Variants in GPBP1L1 observed in about 807,000 individuals in gnomAD.
GPBP1L1 encodes vasculin-like protein 1.
Under a neutral mutation model 52.5 loss-of-function variants are expected in GPBP1L1, and 23 were observed. The ratio of observed to expected loss-of-function variants is 0.44; its 90% CI spans 0.32 to 0.62. GPBP1L1 has a LOEUF of 0.62. GPBP1L1 is among the 20% of genes least tolerant of loss of function. The pLI, the probability that GPBP1L1 is intolerant of heterozygous loss-of-function variation, is 0.06. For synonymous variants in GPBP1L1, 243 were observed against 203.1 expected, an observed-to-expected ratio of 1.20 and a Z score of -1.67; for missense variants, 596 against 579.3, an observed-to-expected ratio of 1.03 and a Z score of -0.30.
intron 7 of GPBP1L1, among the ~76,000 whole-genome samples, chr1:45,640,959 G>A (rs965972195): frequency 2.0e-5 from 3 of 152,024 alleles, no homozygotes; most frequent in African/African-American, 7.3e-5. Flanking sequence ...AGGCTGCAGC[G>A]AGCCATGACT....
chr1:45,677,642 C>A (rs1569886793), intron 2 of GPBP1L1, among the ~76,000 whole-genome samples: 2 of 152,152 alleles, frequency 1.3e-5, no homozygotes, highest in Admixed American at 6.5e-5. Flanking sequence ...AATTGTATTT[C>A]TATCACAAAT....
chr1:45,673,345 A>G (rs1645097519), intron 2 of GPBP1L1, among the ~76,000 whole-genome samples: 1 of 152,138 alleles, frequency 6.6e-6, no homozygotes, highest in Non-Finnish European at 1.5e-5. Context: ...AAAGCGTGAA[A>G]CTGAAGAATG....
intron 2 of GPBP1L1, among the ~76,000 whole-genome samples, chr1:45,682,707 T>C (rs1345092212): frequency 1.3e-5 from 2 of 152,204 alleles, no homozygotes; most frequent in Non-Finnish European, 2.9e-5. Context: ...AGAAAAATAA[T>C]AGGCTCTTTT....
intron 5 of GPBP1L1, 57 bp from the exon 6 acceptor site, chr1:45,654,886 G>A (rs925410124): frequency 6.5e-7 from 1 of 1,538,762 alleles, no homozygotes; most frequent in African/African-American, 1.4e-5. Context: ...TTGGTTTACG[G>A]TATTGGCCAA....
intron 2 of GPBP1L1, among the ~76,000 whole-genome samples, chr1:45,683,912 AC>A (rs958366726): frequency 3.3e-5 from 5 of 151,498 alleles, no homozygotes; most frequent in Admixed American, 2.0e-4. Flanking sequence ...ACAGAGTGAG[AC>A]CCCGTATCAA....
intron 2 of GPBP1L1, among the ~76,000 whole-genome samples, chr1:45,665,231 C>A (rs1644995711): frequency 6.6e-6 from 1 of 151,648 alleles, no homozygotes; most frequent in African/African-American, 2.4e-5. Flanking sequence ...TTGAAGTGAG[C>A]CGAGATCACG....
chr1:45,655,386 G>A (rs759911985), intron 4 of GPBP1L1, 67 bp from the exon 5 acceptor site: 3 of 1,541,476 alleles, frequency 1.9e-6, no homozygotes, highest in Non-Finnish European at 2.7e-6. Flanking sequence ...TATCTTAATA[G>A]GCTTTGCATC....
At chr1:45,674,277 T>C (rs1355235337) in intron 2 of GPBP1L1, among the ~76,000 whole-genome samples, 1 of 152,200 alleles carries the variant, frequency 6.6e-6, no homozygotes, top group Non-Finnish European at 1.5e-5. Context: ...CCTATTTTAT[T>C]TGGATAAGTA....
chr1:45,644,935 T>C (rs143277608), intron 6 of GPBP1L1, among the ~76,000 whole-genome samples: 144 of 152,360 alleles, frequency 9.5e-4, no homozygotes, highest in African/African-American at 3.2e-3. Context: ...AAAAATATGA[T>C]ACATGCTTGT....
chr1:45,638,731 G>A (rs2148434101), intron 8 of GPBP1L1, among the ~76,000 whole-genome samples: 2 of 152,306 alleles, frequency 1.3e-5, no homozygotes, highest in African/African-American at 4.8e-5. Flanking sequence ...CTTGAGCCCA[G>A]AAGTTCGAGA....
At chr1:45,671,918 A>T (rs917229856) in intron 2 of GPBP1L1, among the ~76,000 whole-genome samples, 4 of 152,194 alleles carry the variant, frequency 2.6e-5, no homozygotes, top group African/African-American at 9.6e-5. Flanking sequence ...TTGGAATGGC[A>T]ATAAATCTAG....
At chr1:45,678,365 G>A (rs1387032246) in intron 2 of GPBP1L1, among the ~76,000 whole-genome samples, 3 of 152,078 alleles carry the variant, frequency 2.0e-5, no homozygotes, top group Non-Finnish European at 4.4e-5. Context: ...GAAATCCTTC[G>A]CCACCAAGGT....
chr1:45,660,218 C>T lies in GPBP1L1; in HGVS notation c.-90G>A. On this transcript the variant is annotated 5_prime_UTR_variant, in exon 3 of 13. Coordinates refer to ENST00000355105, the MANE Select transcript of GPBP1L1 (RefSeq NM_021639.5). The stretch of plus-strand genomic sequence containing the variant: ...TAACCTCTGTGGTCCTGTTTCTGAA[C>T]TCGAGTCGGCCAGCTGGATCTCCCA... 5.1e-6 allele frequency: 5 copies of T among 985,308 alleles called. No homozygotes were observed. Among genetic ancestry groups the T allele is most frequent in the Non-Finnish European group, 6.0e-6 (5 of 829,932 alleles). 61.0% of individuals were successfully genotyped at this position (985,308 alleles called of 1,614,324 possible).
At chr1:45,635,652 A>AT (rs1644584557) in intron 8 of GPBP1L1, 1 of 152,236 alleles carries the variant, frequency 6.6e-6, no homozygotes, top group Non-Finnish European at 1.5e-5. Flanking sequence ...ATGATTATAC[A>AT]TGTAAAAGTC....
intron 8 of GPBP1L1, among the ~76,000 whole-genome samples, chr1:45,639,174 G>C (rs1381140310): frequency 1.4e-5 from 2 of 143,808 alleles, no homozygotes; most frequent in African/African-American, 2.6e-5. Context: ...AGCCACTGAA[G>C]GAATTCAGGA....
chr1:45,669,448 G>C (rs6699444), intron 2 of GPBP1L1, among the ~76,000 whole-genome samples: 43,067 of 152,126 alleles, frequency 0.28, 6,226 homozygotes, highest in South Asian at 0.36. Flanking sequence ...ACTGTGGCCA[G>C]CCCAGGGATT....
intron 2 of GPBP1L1, among the ~76,000 whole-genome samples, chr1:45,665,743 TAAAAAAAAA>T (rs949281797): frequency 1.8e-5 from 2 of 109,710 alleles, no homozygotes; most frequent in Non-Finnish European, 3.6e-5. Flanking sequence ...GACGCCGTCT[TAAAAAAAAA>T]AAAAAAAAAA....
intron 10 of GPBP1L1, among the ~76,000 whole-genome samples, chr1:45,632,768 C>T (rs1424091885): frequency 6.6e-6 from 1 of 152,090 alleles, no homozygotes; most frequent in African/African-American, 2.4e-5. Context: ...CTTGGAGAAA[C>T]TGTAGTCAAA....
At chr1:45,684,817 A>C (rs865931612) in intron 2 of GPBP1L1, among the ~76,000 whole-genome samples, 2 of 152,332 alleles carry the variant, frequency 1.3e-5, no homozygotes, top group South Asian at 4.1e-4. Context: ...ACAACAACAA[A>C]AAATCCTAGG....
Sources: allele counts gnomAD v4.1 joint callset (sites outside exome capture counted in the v4.1 genomes callset), GRCh38; gene constraint gnomAD v4.1.1; transcripts MANE v1.5; gene names NCBI Gene and HGNC (gene_info 2026-07-23, HGNC 2026-07-21).